PCCA: variants seen among roughly 807,000 people sequenced by gnomAD.
PCCA encodes propionyl-CoA carboxylase alpha chain, mitochondrial.
In PCCA, 74 loss-of-function variants were observed where a neutral mutation model predicts 101.3. The observed-to-expected ratio is 0.73, with a 90% CI of 0.61 to 0.89. The LOEUF is 0.89. PCCA is among the 40% of genes least tolerant of loss of function. PCCA has a pLI of 0.00. For missense variants in PCCA, 891 were observed against 907.0 expected, an observed-to-expected ratio of 0.98 and a Z score of 0.23; for synonymous variants, 294 against 313.6, an observed-to-expected ratio of 0.94 and a Z score of 0.66.
chr13:100,113,344 G>A (rs1294188823), intron 4 of PCCA, among the ~76,000 whole-genome samples: 2 of 152,052 alleles, frequency 1.3e-5, no homozygotes, highest in Non-Finnish European at 2.9e-5. Context: ...ACTTGTATAG[G>A]GCACTTACTG....
intron 20 of PCCA, among the ~76,000 whole-genome samples, chr13:100,431,235 G>C (rs1259110895): frequency 1.3e-5 from 2 of 152,020 alleles, no homozygotes; most frequent in African/African-American, 2.4e-5. Context: ...TGGCTCTCTT[G>C]TTTTCTCTTC....
intron 19 of PCCA, among the ~76,000 whole-genome samples, chr13:100,400,502 G>A (rs905251519): frequency 3.9e-5 from 6 of 151,960 alleles, no homozygotes; most frequent in African/African-American, 1.4e-4. Context: ...CTTGGGTTGG[G>A]AATTATAGTG....
chr13:100,143,954 T>C (rs1045089661), intron 4 of PCCA, among the ~76,000 whole-genome samples: 1 of 151,184 alleles, frequency 6.6e-6, no homozygotes, highest in Non-Finnish European at 1.5e-5. Flanking sequence ...TTTGTAGAGA[T>C]GGGGCCTCTG....
At chr13:100,246,524 T>G (rs2061436392) in intron 8 of PCCA, among the ~76,000 whole-genome samples, 1 of 152,056 alleles carries the variant, frequency 6.6e-6, no homozygotes, top group African/African-American at 2.4e-5. Flanking sequence ...GACAGGGTTT[T>G]GCCATGTTGC....
chr13:100,314,108 G>A (rs2067146452), intron 16 of PCCA, among the ~76,000 whole-genome samples: 1 of 152,034 alleles, frequency 6.6e-6, no homozygotes, highest in Non-Finnish European at 1.5e-5. Context: ...GTTAACGTTG[G>A]TTCACTAAAG....
intron 4 of PCCA, among the ~76,000 whole-genome samples, chr13:100,118,000 C>T (rs960292622): frequency 6.6e-6 from 1 of 151,444 alleles, no homozygotes; most frequent in African/African-American, 2.4e-5. Context: ...CCTGTGGTCC[C>T]AGCTACTTGG....
chr13:100,133,909 C>T (rs955855771), intron 4 of PCCA, among the ~76,000 whole-genome samples: 6 of 152,178 alleles, frequency 3.9e-5, no homozygotes, highest in East Asian at 1.9e-4. Flanking sequence ...TTCCTGACCT[C>T]GAACATCAGA....
chr13:100,209,305 T>G (rs774539316), intron 6 of PCCA, 27 bp from the exon 7 acceptor site: 1 of 1,608,050 alleles, frequency 6.2e-7, no homozygotes, highest in Non-Finnish European at 8.5e-7. Context: ...GTTCTTGTTA[T>G]AAATTTTGAC....
At chr13:100,325,166 C>T (rs148246985) in intron 16 of PCCA, among the ~76,000 whole-genome samples, 1 of 152,132 alleles carries the variant, frequency 6.6e-6, no homozygotes, top group African/African-American at 2.4e-5. Context: ...GTGTGAAAAT[C>T]TTGCACTTTT....
intron 6 of PCCA, among the ~76,000 whole-genome samples, chr13:100,187,421 T>C (rs2057374166): frequency 6.6e-6 from 1 of 152,124 alleles, no homozygotes; most frequent in Non-Finnish European, 1.5e-5. Flanking sequence ...TAATGCTATT[T>C]TTAGTCTGTT....
chr13:100,479,557 C>G (rs1217817819), intron 21 of PCCA: 1 of 152,148 alleles, frequency 6.6e-6, no homozygotes, highest in Non-Finnish European at 1.5e-5. Flanking sequence ...TTAGGAAAAT[C>G]ATAACGACAA....
intron 18 of PCCA, among the ~76,000 whole-genome samples, chr13:100,358,854 GT>G (rs1004312599): frequency 6.6e-6 from 1 of 152,134 alleles, no homozygotes; most frequent in Admixed American, 6.5e-5. Flanking sequence ...CACTAAAGGT[GT>G]TTAGCCGAGG....
At chr13:100,199,006 G>C (rs1467811674) in intron 6 of PCCA, among the ~76,000 whole-genome samples, 1 of 151,190 alleles carries the variant, frequency 6.6e-6, no homozygotes, top group African/African-American at 2.4e-5. Flanking sequence ...AGCTGCTGAA[G>C]CTGCTCCTAG....
intron 19 of PCCA, among the ~76,000 whole-genome samples, chr13:100,412,267 G>A (rs1184934763): frequency 1.3e-5 from 2 of 152,202 alleles, no homozygotes; most frequent in Non-Finnish European, 2.9e-5. Context: ...CATTCACTAA[G>A]GAGAGGGTCC....
At chr13:100,481,994 A>G (rs545172584) in intron 21 of PCCA, among the ~76,000 whole-genome samples, 1 of 152,366 alleles carries the variant, frequency 6.6e-6, no homozygotes, top group East Asian at 1.9e-4. Context: ...AATTCCTAAA[A>G]TATTGAATAT....
intron 18 of PCCA, among the ~76,000 whole-genome samples, chr13:100,356,516 G>T (rs984924628): frequency 6.6e-6 from 1 of 152,118 alleles, no homozygotes; most frequent in African/African-American, 2.4e-5. Flanking sequence ...TGTATCATTA[G>T]TTGATAGGAA....
At chr13:100,457,575 T>G (rs2081839769) in intron 21 of PCCA, among the ~76,000 whole-genome samples, 1 of 152,186 alleles carries the variant, frequency 6.6e-6, no homozygotes, top group Non-Finnish European at 1.5e-5. Context: ...CATAATGGGT[T>G]GCATTATAGG....
chr13:100,260,554 G>A (rs2062426538), intron 9 of PCCA, among the ~76,000 whole-genome samples: 2 of 151,672 alleles, frequency 1.3e-5, no homozygotes, highest in African/African-American at 2.4e-5. Context: ...ACACTGCCAC[G>A]CCTGGCTAAT....
At chr13:100,456,546 A>C (rs1340320683) in intron 21 of PCCA, among the ~76,000 whole-genome samples, 1 of 152,186 alleles carries the variant, frequency 6.6e-6, no homozygotes, top group Non-Finnish European at 1.5e-5. Context: ...CGCTGAGTAC[A>C]AGACCAGGGG....
Sources: allele counts gnomAD v4.1 joint callset (sites outside exome capture counted in the v4.1 genomes callset), GRCh38; gene constraint gnomAD v4.1.1; transcripts MANE v1.5; gene names NCBI Gene and HGNC (gene_info 2026-07-23, HGNC 2026-07-21).